Variants in CYTIP observed in about 807,000 individuals in gnomAD.
CYTIP encodes cytohesin 1 interacting protein.
CYTIP carries 26 observed loss-of-function variants against 43.8 expected under a neutral mutation model. That is an observed-to-expected ratio of 0.59 (90% CI 0.44 to 0.82). The LOEUF (loss-of-function observed/expected upper bound fraction) is 0.82. Ranked by LOEUF, CYTIP falls within the 40% of genes least tolerant of loss-of-function variation. The pLI is 0.00. For synonymous variants in CYTIP, 162 were observed against 162.9 expected, an observed-to-expected ratio of 0.99 and a Z score of 0.04; for missense variants, 426 against 443.1, an observed-to-expected ratio of 0.96 and a Z score of 0.35.
Position 157,415,763 on chromosome 2 carries a change from T to C in CYTIP, c.994A>G (p.Ser332Gly), listed in dbSNP as rs1685429288. ...TGCTTTCGGACACTTCCCTTTCTGC[T>C]CTTCCGGGGCAGGGTCCCAAACATG... ...SSMFGTLPRK[S>G]RKGSVRKQLL... Residue 332 changes from serine (S) to glycine (G), a missense_variant, in exon 8 of 8, where the codon AGC becomes GGC. By Grantham distance (56) the Ser-to-Gly change is moderately conservative (BLOSUM62 0). Transcript: ENST00000264192. 6.2e-7 allele frequency: 1 copy of C among 1,614,200 alleles called. No individual in the cohort carries two copies. The highest frequency in any genetic ancestry group is 8.5e-7 in the Non-Finnish European group (1 of 1,180,008).
At chr2:157,440,735 T>A (rs1227621392) in intron 1 of CYTIP, among the ~76,000 whole-genome samples, 2 of 152,222 alleles carry the variant, frequency 1.3e-5, no homozygotes, top group Non-Finnish European at 2.9e-5. Context: ...AGAGAGTCAG[T>A]CTGTGGTACC....
intron 6 of CYTIP, among the ~76,000 whole-genome samples, chr2:157,426,943 G>A (rs756264661): frequency 6.6e-6 from 1 of 152,202 alleles, no homozygotes; most frequent in Non-Finnish European, 1.5e-5. Flanking sequence ...TTTTAAGGAT[G>A]AGGCAGAAGA....
At chr2:157,434,995 G>C (rs984173120) in intron 1 of CYTIP, among the ~76,000 whole-genome samples, 11 of 151,794 alleles carry the variant, frequency 7.2e-5, no homozygotes, top group African/African-American at 2.7e-4. Context: ...GATAGCAGAG[G>C]AGAGTAGGGA....
intron 1 of CYTIP, among the ~76,000 whole-genome samples, chr2:157,439,584 T>C (rs752364989): frequency 1.3e-5 from 2 of 152,328 alleles, no homozygotes; most frequent in African/African-American, 2.4e-5. Flanking sequence ...AGGGTTGTAG[T>C]GATGGCGCCA....
chr2:157,437,068 T>C (rs934283837), intron 1 of CYTIP, among the ~76,000 whole-genome samples: 1 of 151,922 alleles, frequency 6.6e-6, no homozygotes, highest in Non-Finnish European at 1.5e-5. Flanking sequence ...TGAAAATAAG[T>C]AAATGGATCA....
chr2:157,418,549 T>A lies in CYTIP; in HGVS notation c.587A>T (p.Gln196Leu). The A allele has an allele frequency of 6.3e-7, 1 of 1,596,870 alleles. No individual in the cohort carries two copies. Among genetic ancestry groups the A allele is most frequent in the Non-Finnish European group, 8.5e-7 (1 of 1,172,126 alleles). ...ATGAAGCAGACGATGTTCCTGTAAC[T>A]GCAGAGATCTGTACTCCACCCATTT... ...KQKWVEYRSLQLQEHRLLHGD... is the reference protein window; with the variant it reads ...KQKWVEYRSLLLQEHRLLHGD... Residue 196 changes from glutamine (Q) to leucine (L), a missense_variant, in exon 7 of 8, where the codon CAG becomes CTG. Gln to Leu is a moderately radical substitution (Grantham distance 113, BLOSUM62 -2). Coordinates refer to ENST00000264192, the MANE Select transcript of CYTIP (RefSeq NM_004288.5).
rs1198342027 is a variant in CYTIP at position 157,443,878 on chromosome 2, G to A, written c.143C>T (p.Thr48Met). ...TCGTCCCCGAGGCAGAGTAGCCACC[G>A]TGTCTGCTAGCATTTGAATCCTTCT... is the stretch of plus-strand genomic sequence containing the variant. The part of the protein sequence containing the change: ...DNRRIQMLAD[T>M]VATLPRGRKQ... The change falls in exon 1 of 8, where the codon ACG becomes ATG. Residue 48 changes from threonine (T) to methionine (M), a missense_variant. Physicochemically the swap from Thr to Met is moderately conservative, Grantham distance 81. Transcript: ENST00000264192. 12 of 1,613,998 alleles carry A rather than the reference G, an allele frequency of 7.4e-6. No homozygotes were observed. The highest frequency in any genetic ancestry group is 2.7e-5 in the African/African-American group (2 of 74,928).
rs1252071618 is a variant in CYTIP at position 157,433,213 on chromosome 2, G to GT, written c.279+1156_279+1157insA. Among the ~76,000 whole-genome samples the GT allele has an allele frequency of 6.6e-5, 10 of 152,230 alleles. No homozygotes were observed. In the South Asian group the frequency reaches 2.1e-3, roughly 32 times the overall value. On this transcript the variant is annotated intron_variant, in intron 3 of 7. Coordinates refer to ENST00000264192, the MANE Select transcript of CYTIP (RefSeq NM_004288.5). ...AGCAGTGTCTCTACAACAGAATAGG[G>GT]AGTAGTTCATATGACCGGGGAGTAA... is the stretch of plus-strand genomic sequence containing the variant.
chr2:157,424,010 C>T (rs114590846), intron 6 of CYTIP, among the ~76,000 whole-genome samples: 1,931 of 152,226 alleles, frequency 0.013, 33 homozygotes, highest in African/African-American at 0.044. Flanking sequence ...TGAAAGATAG[C>T]TCATTCCTAG....
intron 1 of CYTIP, among the ~76,000 whole-genome samples, chr2:157,440,358 G>A (rs1371947572): frequency 6.6e-6 from 1 of 152,188 alleles, no homozygotes; most frequent in Non-Finnish European, 1.5e-5. Flanking sequence ...CCATTTCCAA[G>A]TAAGGTCTGA....
chr2:157,437,366 T>A (rs1426230710), intron 1 of CYTIP, among the ~76,000 whole-genome samples: 5 of 149,936 alleles, frequency 3.3e-5, no homozygotes, highest in Admixed American at 6.6e-5. Flanking sequence ...AAAAAAAAAA[T>A]TTAAAAATGG....
chr2:157,437,176 A>G (rs1355972776), intron 1 of CYTIP, among the ~76,000 whole-genome samples: 2 of 152,132 alleles, frequency 1.3e-5, no homozygotes, highest in Non-Finnish European at 2.9e-5. Flanking sequence ...TATGAATAAG[A>G]CCTTCAAAAA....
intron 1 of CYTIP, 123 bp downstream of exon 1, chr2:157,443,724 T>A: frequency 9.4e-7 from 1 of 1,066,016 alleles, no homozygotes; most frequent in African/African-American, 1.6e-5. Flanking sequence ...CCTTCACCCA[T>A]AATAATCAGC....
intron 7 of CYTIP, among the ~76,000 whole-genome samples, chr2:157,416,806 T>G (rs1685445605): frequency 6.6e-6 from 1 of 152,230 alleles, no homozygotes; most frequent in Non-Finnish European, 1.5e-5. Flanking sequence ...TGTCCTCAAG[T>G]AAGTAATAAT....
chr2:157,428,130 G>A (rs1685643122), intron 5 of CYTIP, among the ~76,000 whole-genome samples: 1 of 152,088 alleles, frequency 6.6e-6, no homozygotes. Flanking sequence ...TAAAATACTT[G>A]TTCTATTCTG....
In CYTIP at chr2:157,415,428, G is replaced by A. The variant is rs1204615532; in HGVS notation, c.*249C>T. ...TCAAAGACATTACTGGAATGAGCAGGAACCTGCATCTTTGTTATATTAATT... is the reference window on the plus strand; with the variant it reads ...TCAAAGACATTACTGGAATGAGCAGAAACCTGCATCTTTGTTATATTAATT... On this transcript the variant is annotated 3_prime_UTR_variant, in exon 8 of 8. Coordinates refer to ENST00000264192, the MANE Select transcript of CYTIP (RefSeq NM_004288.5). The A allele has an allele frequency of 6.2e-5, 25 of 400,046 alleles. 1 individual carries two copies. The Admixed American group carries it at 7.7e-4, about 12-fold the overall frequency. The allele number at this position is 400,046 out of a possible 1,614,324, so 24.8% of individuals were successfully genotyped here. A position where few individuals can be genotyped will look rare whatever the true frequency, so the allele number is the denominator to read the frequency against.
At chr2:157,431,886 G>A (rs970716659) in intron 3 of CYTIP, among the ~76,000 whole-genome samples, 1 of 152,142 alleles carries the variant, frequency 6.6e-6, no homozygotes, top group Admixed American at 6.5e-5. Context: ...TCACAAGTCA[G>A]CCACATGCAA....
At chr2:157,421,701 T>C (rs16841722) in intron 6 of CYTIP, among the ~76,000 whole-genome samples, 5,274 of 152,256 alleles carry the variant, frequency 0.035, 200 homozygotes, top group Admixed American at 0.092. Context: ...GAGCCCCTGG[T>C]GCAATGAAGA....
chr2:157,428,189 C>T (rs1685643848), intron 5 of CYTIP, among the ~76,000 whole-genome samples: 1 of 152,182 alleles, frequency 6.6e-6, no homozygotes, highest in Admixed American at 6.5e-5. Flanking sequence ...TTTATTTTGA[C>T]TACTAAACCA....
Sources: allele counts gnomAD v4.1 joint callset (sites outside exome capture counted in the v4.1 genomes callset), GRCh38; gene constraint gnomAD v4.1.1; transcripts MANE v1.5; gene names NCBI Gene and HGNC (gene_info 2026-07-23, HGNC 2026-07-21).